TM4SF4: variants seen among roughly 807,000 people sequenced by gnomAD.
The protein encoded by TM4SF4 is transmembrane 4 L six family member 4, also known as transmembrane 4 L6 family member 4.
TM4SF4 carries 24 observed loss-of-function variants against 24.1 expected under a neutral mutation model. The observed-to-expected ratio is 1.00, with a 90% CI of 0.72 to 1.40. The LOEUF (loss-of-function observed/expected upper bound fraction) is 1.40. Among genes scored for constraint, TM4SF4 ranks in the 40% most tolerant of loss-of-function variants. TM4SF4 has a pLI of 0.00. For synonymous variants in TM4SF4, 113 were observed against 97.0 expected (o/e 1.17, Z -0.97); for missense variants, 254 against 254.2 (o/e 1.00, Z 0.01).
rs146734856 is a variant in TM4SF4, at chr3:149,501,354, C to G, written c.592-1322C>G. On this transcript the variant is annotated intron_variant, in intron 4 of 4. Coordinates refer to ENST00000305354, the MANE Select transcript of TM4SF4 (RefSeq NM_004617.4). ...TTTCTTCCTCCCTCCCTTCATCTCT[C>G]CTCTCTGTCTCTCTCCCCACTCCTC... is the stretch of plus-strand genomic sequence containing the variant. 2.7e-4 allele frequency among the ~76,000 whole-genome samples: 41 copies of G among 152,284 alleles called. 2 individuals are homozygous for G. In the East Asian group the frequency reaches 6.8e-3, roughly 25 times the overall value.
At chr3:149,490,489 G>C (rs1272872480) in intron 3 of TM4SF4, among the ~76,000 whole-genome samples, 3 of 152,202 alleles carry the variant, frequency 2.0e-5, no homozygotes, top group Admixed American at 1.3e-4. Context: ...AAGGCCCAGA[G>C]AGGACAAGTG....
In TM4SF4 at chr3:149,475,001, C is replaced by A; in HGVS notation, c.124C>A (p.Leu42Ile). 1 of 1,613,886 alleles carries A rather than the reference C, an allele frequency of 6.2e-7. No individual in the cohort carries two copies. The highest frequency in any genetic ancestry group is 8.5e-7 in the Non-Finnish European group (1 of 1,179,856). Residue 42 changes from leucine to isoleucine, a missense_variant, in exon 1 of 5, where the codon CTT (leucine) becomes ATT (isoleucine). By Grantham distance (5) the Leu-to-Ile change is conservative. Transcript: ENST00000305354. Reference protein sequence around the residue: ...GGKVIDDNDHLSQEIWFFGGI... With the variant: ...GGKVIDDNDHISQEIWFFGGI... ...AAAAGTGATAGATGACAACGACCACCTTTCCCAAGAGATCTGGTTTTTCGG... is the reference window on the plus strand; with the variant it reads ...AAAAGTGATAGATGACAACGACCACATTTCCCAAGAGATCTGGTTTTTCGG...
At chr3:149,496,070 C>T (rs1734305418) in intron 3 of TM4SF4, 3 of 188,104 alleles carry the variant, frequency 1.6e-5, no homozygotes, top group Non-Finnish European at 1.1e-5. Context: ...GACCTCAGAA[C>T]TGTTTGTCTC....
chr3:149,483,889 T>C (rs553028087), intron 2 of TM4SF4, among the ~76,000 whole-genome samples: 13 of 152,206 alleles, frequency 8.5e-5, no homozygotes, highest in Non-Finnish European at 1.6e-4. Flanking sequence ...GAAGCAATTC[T>C]CCCACCTCAG....
intron 3 of TM4SF4, among the ~76,000 whole-genome samples, chr3:149,498,340 A>G (rs1373488840): frequency 1.3e-5 from 2 of 152,226 alleles, no homozygotes; most frequent in Non-Finnish European, 2.9e-5. Context: ...TCCTGTCCCC[A>G]TCATAGATGG....
intron 3 of TM4SF4, among the ~76,000 whole-genome samples, chr3:149,488,725 A>G (rs528597249): frequency 2.0e-5 from 3 of 152,332 alleles, no homozygotes; most frequent in African/African-American, 7.2e-5. Flanking sequence ...GCAAAGCTGC[A>G]CTAGACTTTA....
intron 2 of TM4SF4, among the ~76,000 whole-genome samples, chr3:149,479,173 G>A (rs912624990): frequency 6.6e-6 from 1 of 151,912 alleles, no homozygotes; most frequent in African/African-American, 2.4e-5. Flanking sequence ...CTGCATTTTG[G>A]CACAACAGCA....
At chr3:149,489,548 C>A (rs1035846549) in intron 3 of TM4SF4, among the ~76,000 whole-genome samples, 1 of 152,212 alleles carries the variant, frequency 6.6e-6, no homozygotes, top group Admixed American at 6.5e-5. Flanking sequence ...CCCTCACACA[C>A]GCACGCCCTA....
rs56017202 is a variant in TM4SF4, at chr3:149,501,021, C to CA, written c.592-1639dup. On this transcript the variant is annotated intron_variant, in intron 4 of 4. Transcript: ENST00000305354. ...CCTGGATAACAGAACAAGACCTTTC[C>CA]AAAAAAAAAAAAAAAAGAGAGAGAG... Among the ~76,000 whole-genome samples, 726 of 105,750 alleles carry CA rather than the reference C, an allele frequency of 6.9e-3. 5 individuals are homozygous for CA. Among genetic ancestry groups the CA allele is most frequent in the African/African-American group, 0.019 (553 of 28,636 alleles). 69.4% of individuals were successfully genotyped at this position (105,750 alleles called of 152,430 possible).
chr3:149,493,674 G>C (rs1043196838), intron 3 of TM4SF4, among the ~76,000 whole-genome samples: 10 of 152,230 alleles, frequency 6.6e-5, no homozygotes, highest in Admixed American at 3.3e-4. Context: ...ACTGGGGACA[G>C]AGACAGTGGC....
chr3:149,497,720 C>T (rs1220506702), intron 3 of TM4SF4, among the ~76,000 whole-genome samples: 2 of 152,140 alleles, frequency 1.3e-5, no homozygotes, highest in African/African-American at 4.8e-5. Context: ...TCTTGGCTCA[C>T]TGCAACCTCC....
intron 3 of TM4SF4, among the ~76,000 whole-genome samples, chr3:149,494,168 A>G (rs1734268410): frequency 6.6e-6 from 1 of 152,206 alleles, no homozygotes; most frequent in Admixed American, 6.5e-5. Context: ...CTGAACGTGA[A>G]CACAGGCTTT....
At chr3:149,496,625 G>A (rs188732337) in intron 3 of TM4SF4, among the ~76,000 whole-genome samples, 2 of 152,154 alleles carry the variant, frequency 1.3e-5, no homozygotes, top group Admixed American at 6.5e-5. Flanking sequence ...AAAATTAGCC[G>A]GATGTGGTGG....
chr3:149,482,681 C>T (rs1165203419), intron 2 of TM4SF4, among the ~76,000 whole-genome samples: 1 of 152,086 alleles, frequency 6.6e-6, no homozygotes, highest in Non-Finnish European at 1.5e-5. Context: ...GTAGCTAGGA[C>T]TACAAGCACA....
At chr3:149,482,345 T>C (rs66609533) in intron 2 of TM4SF4, among the ~76,000 whole-genome samples, 54,498 of 151,966 alleles carry the variant, frequency 0.36, 10,289 homozygotes, top group Non-Finnish European at 0.42. Flanking sequence ...CCAGGTAGAG[T>C]ATGCCCATAG....
In TM4SF4 at chr3:149,474,733, T is replaced by G. The variant is rs1224459517; in HGVS notation, c.-145T>G. On this transcript the variant is annotated 5_prime_UTR_variant, in exon 1 of 5. Transcript: ENST00000305354. The stretch of plus-strand genomic sequence containing the variant: ...GCTGAAGCAACTCCAAGGACACAGT[T>G]CACAGAAATTTGGTTCTCAGCCCCA... The G allele has an allele frequency of 1.3e-6, 1 of 749,056 alleles. No homozygotes were observed. Among genetic ancestry groups the G allele is most frequent in the Non-Finnish European group, 2.1e-6 (1 of 479,214 alleles). The allele number at this position is 749,056 out of a possible 1,614,324, so 46.4% of individuals were successfully genotyped here.
intron 3 of TM4SF4, chr3:149,494,655 C>G (rs951558425): frequency 3.9e-5 from 6 of 152,118 alleles, no homozygotes; most frequent in Admixed American, 1.3e-4. Context: ...TAAATCAAAA[C>G]CAAAATGGGA....
intron 2 of TM4SF4, among the ~76,000 whole-genome samples, chr3:149,478,875 T>C (rs112661819): frequency 0.016 from 2,473 of 152,318 alleles, 74 homozygotes; most frequent in African/African-American, 0.056. Flanking sequence ...GCAATTCTCC[T>C]GCCTTAGCCT....
At position 149,489,223 on chromosome 3, in the gene TM4SF4, C is replaced by A. The variant is rs142819285; in HGVS notation, c.401+1468C>A. On this transcript the variant is annotated intron_variant, in intron 3 of 4. Coordinates refer to ENST00000305354, the MANE Select transcript of TM4SF4 (RefSeq NM_004617.4). Reference sequence around the variant, plus strand: ...CAAACTCAGATCCCAGCAGGCTGAGCCCCCACAACCCGCCCCCATTGAGGC... The same window carrying A: ...CAAACTCAGATCCCAGCAGGCTGAGACCCCACAACCCGCCCCCATTGAGGC... Among the ~76,000 whole-genome samples the A allele has an allele frequency of 3.1e-4, 47 of 152,308 alleles. No homozygotes were observed. The East Asian group carries it at 7.5e-3, about 24-fold the overall frequency.
Sources: gnomAD v4.1 joint callset for allele counts (sites outside exome capture counted in the v4.1 genomes callset) on GRCh38, gnomAD v4.1.1 for gene constraint, MANE v1.5 for transcripts, NCBI Gene and HGNC (gene_info 2026-07-23, HGNC 2026-07-21) for gene names.